The following SNX29 variants were observed in gnomAD, a reference collection of about 807,000 sequenced individuals.
The protein encoded by SNX29 is sorting nexin-29.
In SNX29, 78 loss-of-function variants were observed where a neutral mutation model predicts 102.1. The ratio of observed to expected loss-of-function variants is 0.76; its 90% CI spans 0.64 to 0.92. The LOEUF (loss-of-function observed/expected upper bound fraction) is 0.92, where lower values mean the gene tolerates loss of function less well. Ranked by LOEUF, SNX29 falls within the 40% of genes least tolerant of loss-of-function variation. SNX29 has a pLI of 0.00. For synonymous variants in SNX29, 580 were observed against 414.5 expected (o/e 1.40, Z -4.85); for missense variants, 1,280 against 1,061.7 (o/e 1.21, Z -2.86).
rs550957519 is a variant in SNX29, at chr16:12,571,622, C to G, written c.*2993C>G. 4 of 1,059,382 alleles carry G rather than the reference C, an allele frequency of 3.8e-6. No homozygotes were observed. Among genetic ancestry groups the G allele is most frequent in the Admixed American group, 5.4e-5 (1 of 18,516 alleles). 65.6% of individuals were successfully genotyped at this position (1,059,382 alleles called of 1,614,324 possible). The stretch of plus-strand genomic sequence containing the variant: ...GAACAGCAGGTTCCATCTTTCACAT[C>G]TTTTTTTCTCCCCCAGATGAAAGAC... On this transcript the variant is annotated 3_prime_UTR_variant, in exon 21 of 21. Transcript: ENST00000566228.
chr16:11,976,785 C>A lies in SNX29; in HGVS notation c.-22C>A. The A allele has an allele frequency of 7.4e-7, 1 of 1,356,372 alleles. No individual in the cohort carries two copies. Among genetic ancestry groups the A allele is most frequent in the Admixed American group, 3.1e-5 (1 of 32,446 alleles). 84.0% of individuals were successfully genotyped at this position (1,356,372 alleles called of 1,614,324 possible). A position where few individuals can be genotyped will look rare whatever the true frequency, so the allele number is the denominator to read the frequency against. ...GGCAGCGGCGGCGGCGCGGCGCAGG[C>A]ACCGGCCCGGGGAGAGGCACCATGA... is the stretch of plus-strand genomic sequence containing the variant. On this transcript the variant is annotated 5_prime_UTR_variant, in exon 1 of 21. Transcript: ENST00000566228.
At chr16:12,544,153 C>T (rs139030281) in intron 20 of SNX29, among the ~76,000 whole-genome samples, 103 of 152,318 alleles carry the variant, frequency 6.8e-4, no homozygotes, top group African/African-American at 2.3e-3. Context: ...GGCATCATTC[C>T]TAAGAACACG....
intron 18 of SNX29, among the ~76,000 whole-genome samples, chr16:12,448,457 G>C (rs929362236): frequency 2.2e-5 from 3 of 138,018 alleles, no homozygotes; most frequent in Non-Finnish European, 4.6e-5. Context: ...AATTGTTCAA[G>C]GCAATTGGGA....
At chr16:12,470,563 C>T (rs1415533223) in intron 18 of SNX29, among the ~76,000 whole-genome samples, 2 of 152,120 alleles carry the variant, frequency 1.3e-5, no homozygotes, top group African/African-American at 4.8e-5. Context: ...GGAACGCTTC[C>T]CGGGTTTTGT....
chr16:12,003,729 G>A (rs1024964867), intron 3 of SNX29, among the ~76,000 whole-genome samples: 3 of 152,276 alleles, frequency 2.0e-5, no homozygotes, highest in East Asian at 1.9e-4. Flanking sequence ...AAAATGGGCC[G>A]GGTGCGGTGG....
chr16:12,103,868 T>A (rs567177872), intron 11 of SNX29, among the ~76,000 whole-genome samples: 2 of 152,304 alleles, frequency 1.3e-5, no homozygotes, highest in African/African-American at 4.8e-5. Flanking sequence ...GAAAGTGTAT[T>A]CTTAATGTTT....
intron 14 of SNX29, among the ~76,000 whole-genome samples, chr16:12,221,451 C>A (rs1470002760): frequency 6.6e-6 from 1 of 152,158 alleles, no homozygotes; most frequent in Non-Finnish European, 1.5e-5. Flanking sequence ...CCCATCTCTA[C>A]TAAAAATACA....
chr16:12,261,395 C>T (rs1305103716), intron 14 of SNX29, among the ~76,000 whole-genome samples: 1 of 131,276 alleles, frequency 7.6e-6, no homozygotes, highest in Non-Finnish European at 1.6e-5. Context: ...TGCACGTGTC[C>T]CCGGCTGGAG....
chr16:12,014,732 CAAAAA>C (rs201224471), intron 3 of SNX29, among the ~76,000 whole-genome samples: 14 of 72,104 alleles, frequency 1.9e-4, no homozygotes, highest in Non-Finnish European at 1.5e-4. Context: ...AGCTCCGTCT[CAAAAA>C]AAAAAAAAAA....
intron 20 of SNX29, among the ~76,000 whole-genome samples, chr16:12,552,599 T>G (rs148173742): frequency 1.1e-4 from 17 of 152,218 alleles, no homozygotes; most frequent in Non-Finnish European, 1.6e-4. Context: ...TATATTCTCA[T>G]GGGGATGACT....
At chr16:12,514,225 A>T (rs1287437734) in intron 19 of SNX29, among the ~76,000 whole-genome samples, 3 of 152,172 alleles carry the variant, frequency 2.0e-5, no homozygotes, top group African/African-American at 7.2e-5. Flanking sequence ...TCATAGAAGG[A>T]ATAGCTGATT....
chr16:11,976,855 C>T (rs1439588949), intron 1 of SNX29, 42 bp downstream of exon 1: 3 of 1,330,952 alleles, frequency 2.3e-6, no homozygotes, highest in South Asian at 1.9e-5. Flanking sequence ...CCGGCCGCCC[C>T]GGCTCCCGCC....
intron 18 of SNX29, among the ~76,000 whole-genome samples, chr16:12,447,283 G>A (rs946809501): frequency 6.6e-6 from 1 of 150,944 alleles, no homozygotes; most frequent in South Asian, 2.1e-4. Flanking sequence ...AAGTCCCATC[G>A]GCTTAGCATG....
intron 20 of SNX29, among the ~76,000 whole-genome samples, chr16:12,545,320 C>T (rs778736809): frequency 6.7e-6 from 1 of 149,220 alleles, no homozygotes; most frequent in East Asian, 1.9e-4. Flanking sequence ...CTCGCATCCA[C>T]CAGAGAAAGG....
intron 18 of SNX29, among the ~76,000 whole-genome samples, chr16:12,442,581 G>T (rs1437738448): frequency 6.7e-6 from 1 of 149,370 alleles, no homozygotes; most frequent in East Asian, 2.0e-4. Context: ...GTGACTGTGT[G>T]TTTTTTTGTT....
At chr16:12,443,123 C>G in intron 18 of SNX29, 3 of 433,314 alleles carry the variant, frequency 6.9e-6, no homozygotes, top group Admixed American at 2.7e-5. Flanking sequence ...GATGGAGCAT[C>G]TGCCTAAATC....
At chr16:12,008,083 A>G (rs771096672) in intron 3 of SNX29, among the ~76,000 whole-genome samples, 1 of 152,020 alleles carries the variant, frequency 6.6e-6, no homozygotes, top group Non-Finnish European at 1.5e-5. Context: ...AGCTGGGACT[A>G]CAGACGCCCG....
At chr16:12,274,833 T>C (rs919553330) in intron 14 of SNX29, among the ~76,000 whole-genome samples, 2 of 152,220 alleles carry the variant, frequency 1.3e-5, no homozygotes, top group Non-Finnish European at 2.9e-5. Context: ...CTATTTCTGC[T>C]GTTATAGTTT....
intron 14 of SNX29, among the ~76,000 whole-genome samples, chr16:12,242,597 T>C (rs1448820370): frequency 6.6e-6 from 1 of 151,444 alleles, no homozygotes; most frequent in Non-Finnish European, 1.5e-5. Context: ...TCTCTTCTTC[T>C]TCTCTTCTTC....
Sources: gnomAD v4.1 joint callset for allele counts (sites outside exome capture counted in the v4.1 genomes callset) on GRCh38, gnomAD v4.1.1 for gene constraint, MANE v1.5 for transcripts, NCBI Gene and HGNC (gene_info 2026-07-23, HGNC 2026-07-21) for gene names.